RIMS1: variants seen among roughly 807,000 people sequenced by gnomAD.
The protein encoded by RIMS1 is regulating synaptic membrane exocytosis protein 1.
Under a neutral mutation model 214.1 loss-of-function variants are expected in RIMS1, and 83 were observed. That is an observed-to-expected ratio of 0.39 (90% confidence interval 0.32 to 0.47). The LOEUF (loss-of-function observed/expected upper bound fraction) is 0.47. RIMS1 is among the 20% of genes least tolerant of loss of function. The probability of loss-of-function intolerance (pLI) is 0.99; values close to 1 mark genes in which losing one functional copy is unlikely to be tolerated. For synonymous variants in RIMS1, 793 were observed against 786.8 expected (o/e 1.01, Z -0.13); for missense variants, 2,050 against 2,161.8 (o/e 0.95, Z 1.03).
chr6:72,047,342 T>C (rs1823361466), intron 2 of RIMS1, among the ~76,000 whole-genome samples: 1 of 152,194 alleles, frequency 6.6e-6, no homozygotes, highest in African/African-American at 2.4e-5. Context: ...AATTTTCAGC[T>C]TCTCCATTTC....
At chr6:72,178,810 G>C (rs753115334) in intron 4 of RIMS1, among the ~76,000 whole-genome samples, 55 of 152,108 alleles carry the variant, frequency 3.6e-4, no homozygotes, top group Admixed American at 7.9e-4. Flanking sequence ...CAGACATATA[G>C]TTTATTTTAA....
chr6:72,336,325 A>G (rs1320224805), intron 29 of RIMS1, among the ~76,000 whole-genome samples: 1 of 151,826 alleles, frequency 6.6e-6, no homozygotes, highest in Non-Finnish European at 1.5e-5. Context: ...TTGTATTAAT[A>G]AGTAATGGGT....
chr6:72,205,578 T>A (rs2052758081), intron 6 of RIMS1, among the ~76,000 whole-genome samples: 1 of 152,154 alleles, frequency 6.6e-6, no homozygotes. Flanking sequence ...AAGCCTGGTG[T>A]TTGGAACTGA....
intron 1 of RIMS1, among the ~76,000 whole-genome samples, chr6:71,950,519 T>C (rs1370364973): frequency 6.6e-6 from 1 of 152,174 alleles, no homozygotes. Flanking sequence ...TTCACAGTAG[T>C]AGACACTGGA....
intron 28 of RIMS1, among the ~76,000 whole-genome samples, 183 bp downstream of exon 28, chr6:72,313,855 C>T (rs1044131280): frequency 2.0e-5 from 3 of 152,078 alleles, no homozygotes; most frequent in Non-Finnish European, 2.9e-5. Flanking sequence ...CAGCTTATAA[C>T]CCTAGTCACA....
chr6:71,989,557 A>T (rs1378398224), intron 2 of RIMS1, among the ~76,000 whole-genome samples: 1 of 152,220 alleles, frequency 6.6e-6, no homozygotes, highest in African/African-American at 2.4e-5. Context: ...GAGAAAAATT[A>T]CAATTACAAT....
At chr6:72,251,978 G>A (rs939818437) in intron 15 of RIMS1, among the ~76,000 whole-genome samples, 2 of 152,192 alleles carry the variant, frequency 1.3e-5, no homozygotes, top group African/African-American at 4.8e-5. Context: ...CTCCCAAAGT[G>A]CTGGGATTAC....
intron 31 of RIMS1, among the ~76,000 whole-genome samples, 178 bp downstream of exon 31, chr6:72,392,988 T>C (rs1388654583): frequency 6.6e-6 from 1 of 150,962 alleles, no homozygotes; most frequent in Non-Finnish European, 1.5e-5. Context: ...TGAGATGTTA[T>C]GAAAAAAGAA....
intron 2 of RIMS1, among the ~76,000 whole-genome samples, chr6:72,071,472 T>C (rs896390205): frequency 6.6e-6 from 1 of 152,114 alleles, no homozygotes. Flanking sequence ...AATCTAAAAG[T>C]ATTTTGTCCT....
intron 31 of RIMS1, among the ~76,000 whole-genome samples, chr6:72,394,167 G>A (rs2098746720): frequency 6.6e-6 from 1 of 152,172 alleles, no homozygotes; most frequent in African/African-American, 2.4e-5. Context: ...ATTGGGTCAT[G>A]TCAGACTTCA....
At chr6:72,244,351 A>G (rs904483603) in intron 10 of RIMS1, among the ~76,000 whole-genome samples, 6 of 151,832 alleles carry the variant, frequency 4.0e-5, no homozygotes, top group Non-Finnish European at 7.4e-5. Flanking sequence ...ATATTGCTGA[A>G]GCAATTAACA....
At chr6:72,114,058 TA>T (rs1390071732) in intron 4 of RIMS1, among the ~76,000 whole-genome samples, 1 of 152,072 alleles carries the variant, frequency 6.6e-6, no homozygotes, top group Admixed American at 6.6e-5. Flanking sequence ...AAAGTTATTT[TA>T]AAGAGAAAAA....
chr6:72,267,901 G>C (rs1173041732), intron 22 of RIMS1, among the ~76,000 whole-genome samples: 1 of 151,936 alleles, frequency 6.6e-6, no homozygotes, highest in Admixed American at 6.6e-5. Context: ...AAAAAATATT[G>C]AAAACATATA....
intron 4 of RIMS1, among the ~76,000 whole-genome samples, chr6:72,107,800 G>C (rs1453259263): frequency 6.6e-6 from 1 of 152,132 alleles, no homozygotes; most frequent in Non-Finnish European, 1.5e-5. Flanking sequence ...TTTCAATTCT[G>C]ACATATTATA....
chr6:72,250,034 C>G (rs1275968060), intron 12 of RIMS1, among the ~76,000 whole-genome samples: 1 of 152,078 alleles, frequency 6.6e-6, no homozygotes, highest in East Asian at 1.9e-4. Flanking sequence ...TTATGTCTCC[C>G]TCTTCCCTTA....
At chr6:71,928,177 T>A (rs925431909) in intron 1 of RIMS1, among the ~76,000 whole-genome samples, 6 of 152,160 alleles carry the variant, frequency 3.9e-5, no homozygotes, top group Admixed American at 1.3e-4. Flanking sequence ...AACAAATTTA[T>A]AAGTATTTAT....
At chr6:72,165,809 G>T (rs1852705) in intron 4 of RIMS1, among the ~76,000 whole-genome samples, 72,577 of 151,816 alleles carry the variant, frequency 0.48, 18,526 homozygotes, top group East Asian at 0.83. Flanking sequence ...CACCCAAAAG[G>T]AACCATGATG....
intron 4 of RIMS1, among the ~76,000 whole-genome samples, chr6:72,117,504 A>G (rs938153485): frequency 2.0e-5 from 3 of 151,990 alleles, no homozygotes; most frequent in Admixed American, 6.6e-5. Flanking sequence ...TCATCAGCAC[A>G]TGTAACATTC....
chr6:72,091,097 A>G (rs9342923), intron 2 of RIMS1, among the ~76,000 whole-genome samples: 51,092 of 152,062 alleles, frequency 0.34, 10,067 homozygotes, highest in South Asian at 0.47. Context: ...CCCTTCCACC[A>G]TTGTACACAC....
Sources: allele counts gnomAD v4.1 joint callset (sites outside exome capture counted in the v4.1 genomes callset), GRCh38; gene constraint gnomAD v4.1.1; transcripts MANE v1.5; gene names NCBI Gene and HGNC (gene_info 2026-07-23, HGNC 2026-07-21).